PTPRD: variants seen among roughly 807,000 people sequenced by gnomAD.
The protein encoded by PTPRD is receptor-type tyrosine-protein phosphatase delta.
A neutral mutation model predicts 214.5 loss-of-function variants in PTPRD; 34 were observed. The ratio of observed to expected loss-of-function variants is 0.16; its 90% CI spans 0.12 to 0.21. The LOEUF is 0.21. PTPRD is among the 10% of genes least tolerant of loss of function. The pLI is 1.00. For synonymous variants in PTPRD, 1,128 were observed against 845.7 expected (o/e 1.33, Z -5.79); for missense variants, 2,545 against 2,398.7 (o/e 1.06, Z -1.27).
intron 3 of PTPRD, among the ~76,000 whole-genome samples, chr9:10,087,605 G>A (rs1342807004): frequency 6.6e-6 from 1 of 151,646 alleles, no homozygotes; most frequent in Non-Finnish European, 1.5e-5. Flanking sequence ...ATCTTCCGGA[G>A]TGCTATGAGA....
intron 11 of PTPRD, among the ~76,000 whole-genome samples, chr9:8,973,381 C>G (rs1441697043): frequency 6.6e-6 from 1 of 152,016 alleles, no homozygotes; most frequent in Non-Finnish European, 1.5e-5. Flanking sequence ...CATGTTGCTG[C>G]AAAGGACATG....
intron 36 of PTPRD, among the ~76,000 whole-genome samples, chr9:8,403,452 G>A (rs548387543): frequency 6.6e-6 from 1 of 152,288 alleles, no homozygotes; most frequent in South Asian, 2.1e-4. Context: ...ACTGTTAGAG[G>A]CACAGATTTA....
At chr9:9,519,870 A>C (rs2096923755) in intron 8 of PTPRD, among the ~76,000 whole-genome samples, 1 of 152,108 alleles carries the variant, frequency 6.6e-6, no homozygotes, top group South Asian at 2.1e-4. Flanking sequence ...TTTATGAGGA[A>C]ACAGAAAGGG....
intron 12 of PTPRD, among the ~76,000 whole-genome samples, chr9:8,660,776 G>T (rs927838608): frequency 5.3e-5 from 8 of 152,090 alleles, no homozygotes; most frequent in African/African-American, 1.9e-4. Flanking sequence ...TATATACAAG[G>T]ACTCTTGACT....
chr9:8,719,335 CTA>C (rs2098467889), intron 12 of PTPRD, among the ~76,000 whole-genome samples: 1 of 152,228 alleles, frequency 6.6e-6, no homozygotes, highest in African/African-American at 2.4e-5. Flanking sequence ...CATTAGACAT[CTA>C]TGTTTATCAA....
chr9:10,534,842 C>G (rs936668382), intron 2 of PTPRD, among the ~76,000 whole-genome samples: 1 of 152,184 alleles, frequency 6.6e-6, no homozygotes, highest in African/African-American at 2.4e-5. Flanking sequence ...TCAGTTGACA[C>G]AAGTTTTCTG....
At chr9:10,331,008 G>T (rs1011297973) in intron 3 of PTPRD, among the ~76,000 whole-genome samples, 8 of 151,666 alleles carry the variant, frequency 5.3e-5, no homozygotes, top group Admixed American at 6.6e-5. Flanking sequence ...TTTTGTCCTT[G>T]TTCTCCTCTA....
chr9:10,396,118 C>A (rs897905853), intron 2 of PTPRD, among the ~76,000 whole-genome samples: 3 of 151,886 alleles, frequency 2.0e-5, no homozygotes, highest in East Asian at 1.9e-4. Flanking sequence ...CCATGAAAAC[C>A]CCTCAGATTG....
chr9:9,530,535 T>C (rs2075230860), intron 8 of PTPRD, among the ~76,000 whole-genome samples: 1 of 152,116 alleles, frequency 6.6e-6, no homozygotes, highest in South Asian at 2.1e-4. Flanking sequence ...CCACATTGCT[T>C]CACTGCTGAA....
At chr9:9,899,703 C>A (rs1246456202) in intron 5 of PTPRD, among the ~76,000 whole-genome samples, 3 of 151,762 alleles carry the variant, frequency 2.0e-5, no homozygotes, top group Admixed American at 2.0e-4. Context: ...ACTAGATATA[C>A]CTCCAAAGGA....
intron 2 of PTPRD, among the ~76,000 whole-genome samples, chr9:10,445,779 A>G (rs1476931022): frequency 6.6e-6 from 1 of 152,138 alleles, no homozygotes; most frequent in Non-Finnish European, 1.5e-5. Context: ...AAGCACAGGC[A>G]TAATGAGGTC....
intron 7 of PTPRD, among the ~76,000 whole-genome samples, chr9:9,726,484 T>C (rs1352603243): frequency 1.3e-5 from 2 of 152,178 alleles, no homozygotes; most frequent in Admixed American, 6.5e-5. Context: ...CCACTTACCA[T>C]TGTTCAGTGC....
intron 9 of PTPRD, among the ~76,000 whole-genome samples, chr9:9,213,194 T>C (rs1003802403): frequency 2.0e-5 from 3 of 152,174 alleles, no homozygotes. Context: ...CAAGATCTTG[T>C]TGCAGAGAAT....
chr9:9,418,237 G>A (rs1421912179), intron 8 of PTPRD, among the ~76,000 whole-genome samples: 1 of 151,954 alleles, frequency 6.6e-6, no homozygotes, highest in East Asian at 1.9e-4. Context: ...ATTTCTGAAT[G>A]GATCCATTCA....
intron 11 of PTPRD, among the ~76,000 whole-genome samples, chr9:8,777,180 A>G (rs2095520542): frequency 6.6e-6 from 1 of 151,802 alleles, no homozygotes; most frequent in South Asian, 2.1e-4. Flanking sequence ...GGGTCTTACT[A>G]TGTTGCCCAG....
intron 9 of PTPRD, among the ~76,000 whole-genome samples, chr9:9,393,532 C>T (rs2066633989): frequency 6.6e-6 from 1 of 152,154 alleles, no homozygotes; most frequent in Non-Finnish European, 1.5e-5. Context: ...TCCCTATTGA[C>T]ACTTATTGGA....
At chr9:9,745,844 T>C (rs2098452135) in intron 6 of PTPRD, among the ~76,000 whole-genome samples, 1 of 152,144 alleles carries the variant, frequency 6.6e-6, no homozygotes, top group Non-Finnish European at 1.5e-5. Context: ...AGCTAAATGC[T>C]AGAATAGCTC....
At chr9:8,329,854 G>A (rs925141972) in intron 44 of PTPRD, among the ~76,000 whole-genome samples, 1 of 152,108 alleles carries the variant, frequency 6.6e-6, no homozygotes, top group African/African-American at 2.4e-5. Flanking sequence ...AATGGCAGAT[G>A]CCTCTCCCCT....
At chr9:9,565,027 T>C (rs2084079357) in intron 8 of PTPRD, among the ~76,000 whole-genome samples, 1 of 151,148 alleles carries the variant, frequency 6.6e-6, no homozygotes, top group African/African-American at 2.4e-5. Flanking sequence ...TCTCAAGGTC[T>C]CCAATGTCCT....
Sources: allele counts gnomAD v4.1 joint callset (sites outside exome capture counted in the v4.1 genomes callset), GRCh38; gene constraint gnomAD v4.1.1; transcripts MANE v1.5; gene names NCBI Gene and HGNC (gene_info 2026-07-23, HGNC 2026-07-21).